Variants in ADGB observed in about 807,000 individuals in gnomAD.
The protein encoded by ADGB is calpain-7-like protein.
ADGB carries 172 observed loss-of-function variants against 210.5 expected under a neutral mutation model. That is an observed-to-expected ratio of 0.82 (90% CI 0.72 to 0.93). The LOEUF is 0.93. Among genes scored for constraint, ADGB ranks in the 40% least tolerant of loss-of-function variants. The pLI is 0.00. For synonymous variants in ADGB, 658 were observed against 662.7 expected, an observed-to-expected ratio of 0.99 and a Z score of 0.11; for missense variants, 2,025 against 1,964.8, an observed-to-expected ratio of 1.03 and a Z score of -0.58.
intron 27 of ADGB, 97 bp from the exon 28 acceptor site, chr6:146,763,804 T>A: frequency 9.1e-7 from 1 of 1,099,182 alleles, no homozygotes; most frequent in Non-Finnish European, 1.3e-6. Context: ...ATTGACCTAT[T>A]CCTTTGAGTG....
intron 32 of ADGB, 36 bp downstream of exon 32, chr6:146,785,748 A>T: frequency 1.4e-6 from 2 of 1,449,312 alleles, no homozygotes; most frequent in Non-Finnish European, 1.9e-6. Flanking sequence ...GCCTCAGAGC[A>T]CAGAGCTGTG....
At chr6:146,684,164 C>T (rs892594263) in intron 9 of ADGB, among the ~76,000 whole-genome samples, 2 of 152,200 alleles carry the variant, frequency 1.3e-5, no homozygotes, top group South Asian at 4.1e-4. Flanking sequence ...CTCCACCTCT[C>T]ATGCTTCATA....
At chr6:146,741,071 C>T in intron 24 of ADGB, 47 bp from the exon 25 acceptor site, 1 of 1,405,202 alleles carries the variant, frequency 7.1e-7, no homozygotes, top group Non-Finnish European at 9.3e-7. Context: ...TTCAAACTTC[C>T]TTTAAGAATT....
chr6:146,781,129 C>T (rs944224809), intron 29 of ADGB, among the ~76,000 whole-genome samples: 24 of 143,606 alleles, frequency 1.7e-4, no homozygotes, highest in African/African-American at 4.9e-4. Flanking sequence ...AGATCAAGAC[C>T]ATCCTGGCTA....
At chr6:146,768,290 T>C (rs192752938) in intron 28 of ADGB, among the ~76,000 whole-genome samples, 59 of 152,316 alleles carry the variant, frequency 3.9e-4, no homozygotes, top group Non-Finnish European at 1.0e-4. Flanking sequence ...CACAAATAGC[T>C]AACGGAACTT....
At chr6:146,667,562 T>G (rs1419190923) in intron 7 of ADGB, among the ~76,000 whole-genome samples, 1 of 152,024 alleles carries the variant, frequency 6.6e-6, no homozygotes, top group Admixed American at 6.6e-5. Context: ...TGGGGTGGCA[T>G]GTGCAGGTCT....
chr6:146,687,500 T>C (rs961854458), intron 10 of ADGB, among the ~76,000 whole-genome samples: 11 of 152,130 alleles, frequency 7.2e-5, no homozygotes, highest in Admixed American at 1.3e-4. Context: ...TTCAGGGACA[T>C]GAATGAAGCC....
At chr6:146,775,761 G>A (rs1777711875) in intron 29 of ADGB, among the ~76,000 whole-genome samples, 1 of 151,812 alleles carries the variant, frequency 6.6e-6, no homozygotes, top group South Asian at 2.1e-4. Context: ...AATGCATGGT[G>A]TAGCCAATTC....
intron 2 of ADGB, among the ~76,000 whole-genome samples, chr6:146,639,964 A>G (rs538577202): frequency 3.3e-5 from 5 of 152,184 alleles, no homozygotes; most frequent in Non-Finnish European, 7.4e-5. Context: ...TCAAAGATCA[A>G]CAAATCCAGG....
At chr6:146,797,594 A>G (rs2114660924) in intron 33 of ADGB, among the ~76,000 whole-genome samples, 1 of 152,292 alleles carries the variant, frequency 6.6e-6, no homozygotes, top group South Asian at 2.1e-4. Context: ...CCATAAAAGG[A>G]AATGAAATAA....
intron 11 of ADGB, 135 bp downstream of exon 11, chr6:146,691,425 T>TATATATATAAAA (rs1776308496): frequency 8.4e-5 from 6 of 71,640 alleles, no homozygotes; most frequent in African/African-American, 7.3e-4. Context: ...TATATATATA[T>TATATATATAAAA]ATATATATAT....
intron 3 of ADGB, among the ~76,000 whole-genome samples, chr6:146,646,812 G>C (rs543761779): frequency 6.6e-6 from 1 of 152,102 alleles, no homozygotes; most frequent in Non-Finnish European, 1.5e-5. Context: ...TCACAGGCTG[G>C]CTATGGTGGC....
intron 7 of ADGB, among the ~76,000 whole-genome samples, chr6:146,669,630 C>T (rs9497603): frequency 0.028 from 4,208 of 152,092 alleles, 168 homozygotes; most frequent in African/African-American, 0.096. Flanking sequence ...GGTTTTTCTC[C>T]TTCTTATTTT....
At chr6:146,799,535 GAA>G (rs35756296) in intron 33 of ADGB, among the ~76,000 whole-genome samples, 3,059 of 93,452 alleles carry the variant, frequency 0.033, 48 homozygotes, top group African/African-American at 0.046. Context: ...TCTGGGGGGA[GAA>G]AAAAAAAAAA....
At chr6:146,690,738 T>C (rs936856542) in intron 10 of ADGB, among the ~76,000 whole-genome samples, 7 of 152,196 alleles carry the variant, frequency 4.6e-5, no homozygotes, top group Non-Finnish European at 7.3e-5. Flanking sequence ...TAGGTAGCAA[T>C]GGCTAGTTTT....
chr6:146,611,674 C>G (rs1780713349), intron 1 of ADGB, among the ~76,000 whole-genome samples: 2 of 152,148 alleles, frequency 1.3e-5, no homozygotes, highest in African/African-American at 2.4e-5. Context: ...GTGTCCTCCC[C>G]CCATCTCCTC....
chr6:146,707,680 C>T (rs113808303), intron 13 of ADGB, among the ~76,000 whole-genome samples: 70 of 152,162 alleles, frequency 4.6e-4, no homozygotes, highest in African/African-American at 1.6e-3. Flanking sequence ...CTTACATTTG[C>T]ACGGAATATC....
Position 146,721,477 on chromosome 6 carries a change from T to A in ADGB, c.2067T>A (p.Ser689=). Residue 689 remains serine (S), a synonymous_variant, in exon 17 of 36, where the codon TCT becomes TCA. Transcript: ENST00000397944. ...LKPIELLVCF[S]ALVRWGEYGA... ...CTATTGAACTACTGGTTTGCTTTTC[T>A]GCATTGGTACGCTGGGGGGAGTATG... 4.5e-6 allele frequency: 7 copies of A among 1,550,254 alleles called. No homozygotes were observed. Among genetic ancestry groups the A allele is most frequent in the Middle Eastern group, 1.7e-4 (1 of 5,990 alleles).
intron 27 of ADGB, among the ~76,000 whole-genome samples, chr6:146,755,849 T>A (rs2114615770): frequency 6.6e-6 from 1 of 152,228 alleles, no homozygotes; most frequent in East Asian, 1.9e-4. Context: ...TCCCCAATAG[T>A]GTTTATTTTG....
Sources: gnomAD v4.1 joint callset for allele counts (sites outside exome capture counted in the v4.1 genomes callset) on GRCh38, gnomAD v4.1.1 for gene constraint, MANE v1.5 for transcripts, NCBI Gene and HGNC (gene_info 2026-07-23, HGNC 2026-07-21) for gene names.